Variants in LIPA observed in about 807,000 individuals in gnomAD.
LIPA encodes the protein lipase A, lysosomal acid type.
LIPA carries 26 observed loss-of-function variants against 40.6 expected under a neutral mutation model. The ratio of observed to expected loss-of-function variants is 0.64; its 90% CI spans 0.47 to 0.89. The LOEUF is 0.89. Ranked by LOEUF, LIPA falls within the 40% of genes least tolerant of loss-of-function variation. LIPA has a pLI of 0.00. For missense variants in LIPA, 455 were observed against 479.6 expected (o/e 0.95, Z 0.48); for synonymous variants, 188 against 168.4 (o/e 1.12, Z -0.90).
chr10:89,335,221 GTAGTTGAC>G (rs1173829038), intron 1 of LIPA: 3 of 152,182 alleles, frequency 2.0e-5, no homozygotes, highest in African/African-American at 7.2e-5. Flanking sequence ...AGCCACATGA[GTAGTTGAC>G]TATCTTCCTG....
At chr10:89,378,226 C>A (rs960633339) in intron 2 of LIPA, 2 of 1,378,006 alleles carry the variant, frequency 1.5e-6, no homozygotes, top group Non-Finnish European at 1.0e-6. Flanking sequence ...TTTTGACAGG[C>A]CTTCTCCTAA....
chr10:89,271,773 A>G (rs965180862), intron 1 of LIPA, among the ~76,000 whole-genome samples: 2 of 152,170 alleles, frequency 1.3e-5, no homozygotes. Context: ...AAAAGAAGGA[A>G]GTCATAGGCT....
chr10:89,403,090 A>C (rs1028243267), intron 2 of LIPA: 2 of 1,614,072 alleles, frequency 1.2e-6, no homozygotes, highest in African/African-American at 2.7e-5. Flanking sequence ...AAAGCTCTTG[A>C]GTTATTAAAA....
upstream of LIPA, among the ~76,000 whole-genome samples, chr10:89,344,344 C>CTACA (rs1013715085): frequency 1.2e-4 from 18 of 152,296 alleles, no homozygotes; most frequent in African/African-American, 3.8e-4. Flanking sequence ...TTCTCATGGA[C>CTACA]TACATTACAT....
chr10:89,224,399 T>A (rs1321270308), intron 6 of LIPA, among the ~76,000 whole-genome samples: 1 of 152,242 alleles, frequency 6.6e-6, no homozygotes, highest in Non-Finnish European at 1.5e-5. Flanking sequence ...AGATTCCATC[T>A]TTCCTATTTA....
At chr10:89,402,353 C>T (rs777859063) in intron 2 of LIPA, 57 of 1,613,902 alleles carry the variant, frequency 3.5e-5, no homozygotes, top group Non-Finnish European at 3.4e-6. Flanking sequence ...GGGAGTTATC[C>T]ATTGATGACG....
intron 8 of LIPA, among the ~76,000 whole-genome samples, chr10:89,217,122 T>C (rs1022402853): frequency 6.6e-6 from 1 of 152,208 alleles, no homozygotes; most frequent in Non-Finnish European, 1.5e-5. Flanking sequence ...AACACAAAAT[T>C]GGCAAGCCAA....
chr10:89,267,101 C>T (rs1028919046), intron 1 of LIPA, among the ~76,000 whole-genome samples: 2 of 152,176 alleles, frequency 1.3e-5, no homozygotes, highest in Non-Finnish European at 2.9e-5. Flanking sequence ...CTCCTGTTCA[C>T]GTGATGTGTT....
chr10:89,250,608 TACC>T (rs934175414), intron 1 of LIPA, among the ~76,000 whole-genome samples: 14 of 152,316 alleles, frequency 9.2e-5, no homozygotes, highest in Admixed American at 9.1e-4. Flanking sequence ...TTAAAGGAAT[TACC>T]ACAATTGAAA....
chr10:89,398,686 A>G (rs1844379500), intron 2 of LIPA, among the ~76,000 whole-genome samples: 1 of 152,212 alleles, frequency 6.6e-6, no homozygotes, highest in Non-Finnish European at 1.5e-5. Flanking sequence ...AAGTTTATCC[A>G]TGTTGTAACA....
At chr10:89,365,009 T>C (rs1466522989) in intron 2 of LIPA, among the ~76,000 whole-genome samples, 1 of 152,184 alleles carries the variant, frequency 6.6e-6, no homozygotes, top group Non-Finnish European at 1.5e-5. Context: ...CAAGGAAGCA[T>C]TTAGCCTTCC....
chr10:89,412,493 A>G lies in LIPA; in HGVS notation c.61+298T>C, dbSNP rs556704322. On this transcript the variant is annotated intron_variant, in intron 2 of 8. Coordinates refer to the LIPA transcript ENST00000371837. ...TATGGGTGGAGCCAAATAAGGGAAT[A>G]AAAGCAGGCCACCCCAGCCAGCAGC... The G allele has an allele frequency of 3.8e-5, 7 of 184,386 alleles. No homozygotes were observed. The Admixed American group carries it at 4.2e-4, about 11-fold the overall frequency. 11.4% of individuals were successfully genotyped at this position (184,386 alleles called of 1,614,324 possible).
intron 2 of LIPA, among the ~76,000 whole-genome samples, chr10:89,373,334 C>CAAAAAA (rs34479360): frequency 3.2e-5 from 2 of 63,148 alleles, no homozygotes; most frequent in Non-Finnish European, 6.2e-5. Context: ...GACTCCCTCT[C>CAAAAAA]AAAAAAAAAA....
intron 2 of LIPA, among the ~76,000 whole-genome samples, chr10:89,398,985 AT>A (rs1844383562): frequency 6.6e-6 from 1 of 152,160 alleles, no homozygotes; most frequent in Non-Finnish European, 1.5e-5. Flanking sequence ...CCCCTTTTAC[AT>A]TCCTACTAGC....
At position 89,414,059 on chromosome 10, in the gene LIPA, G is replaced by A. The variant is rs545520053; in HGVS notation, c.-72+348C>T. 3.6e-4 allele frequency among the ~76,000 whole-genome samples: 55 copies of A among 152,308 alleles called. 1 individual carries two copies. The highest frequency in any genetic ancestry group is 1.3e-3 in the African/African-American group (54 of 41,556). ...TTATTACAAAGCACCATTGGCGAAGGTATGGAAGAGAAGCAGTCTCCTACA... is the reference window on the plus strand; with the variant it reads ...TTATTACAAAGCACCATTGGCGAAGATATGGAAGAGAAGCAGTCTCCTACA... On this transcript the variant is annotated intron_variant, in intron 1 of 8. Transcript: ENST00000371837.
At chr10:89,285,476 T>A (rs1336250489) in intron 1 of LIPA, among the ~76,000 whole-genome samples, 1 of 152,202 alleles carries the variant, frequency 6.6e-6, no homozygotes, top group African/African-American at 2.4e-5. Flanking sequence ...TCCCTTGGTG[T>A]TTAATCACTG....
At chr10:89,412,075 C>T (rs1841473743) in intron 2 of LIPA, among the ~76,000 whole-genome samples, 1 of 152,222 alleles carries the variant, frequency 6.6e-6, no homozygotes, top group Non-Finnish European at 1.5e-5. Flanking sequence ...GGCCCTTCCA[C>T]TGGCCTAAAG....
Position 89,214,837 on chromosome 10 carries a change from T to C in LIPA, c.1191A>G (p.Lys397=), listed in dbSNP as rs1404344486. Residue 397 remains lysine, a synonymous_variant, in exon 10 of 10, where the codon AAA becomes AAG. Transcript: ENST00000336233. ...LYNKIINLMR[K]YQ ...AGCTCAAGTCCAGCTTTCACTGATATTTCCTCATTAGATTAATAATTTTAT... is the reference window on the plus strand; with the variant it reads ...AGCTCAAGTCCAGCTTTCACTGATACTTCCTCATTAGATTAATAATTTTAT... 2 of 1,584,958 alleles carry C rather than the reference T, an allele frequency of 1.3e-6. No homozygotes were observed. The highest frequency in any genetic ancestry group is 1.3e-5 in the African/African-American group (1 of 74,420).
In LIPA at chr10:89,379,351, G is replaced by A. The variant is rs74146919; in HGVS notation, c.61+33440C>T. Among the ~76,000 whole-genome samples the A allele has an allele frequency of 9.1e-3, 1,386 of 152,214 alleles. 22 individuals carry two copies. The highest frequency in any genetic ancestry group is 0.032 in the African/African-American group (1,331 of 41,520). The stretch of plus-strand genomic sequence containing the variant: ...TCTAGGGTGGGGCCCATCAATCTGT[G>A]TGTTATAAGTTTTCCAGGTGATCAT... On this transcript the variant is annotated intron_variant, in intron 2 of 8. Transcript: ENST00000371837.
Sources: gnomAD v4.1 joint callset for allele counts (sites outside exome capture counted in the v4.1 genomes callset) on GRCh38, gnomAD v4.1.1 for gene constraint, MANE v1.5 for transcripts, NCBI Gene and HGNC (gene_info 2026-07-23, HGNC 2026-07-21) for gene names.